FRAS1: variants seen among roughly 807,000 people sequenced by gnomAD.
FRAS1 encodes Fraser extracellular matrix complex subunit 1, also known as extracellular matrix organizing protein FRAS1.
A neutral mutation model predicts 435.2 loss-of-function variants in FRAS1; 290 were observed. That is an observed-to-expected ratio of 0.67 (90% CI 0.61 to 0.73). The LOEUF is 0.73. Among genes scored for constraint, FRAS1 ranks in the 30% least tolerant of loss-of-function variants. The pLI is 0.00. For missense variants in FRAS1, 4,860 were observed against 5,001.5 expected (o/e 0.97, Z 0.85); for synonymous variants, 1,800 against 1,851.0 (o/e 0.97, Z 0.71).
At chr4:78,439,133 A>G in intron 40 of FRAS1, 69 bp downstream of exon 40, 1 of 1,359,466 alleles carries the variant, frequency 7.4e-7, no homozygotes, top group Non-Finnish European at 1.0e-6. Flanking sequence ...ATGTAAATGA[A>G]GGATTTCTGC....
chr4:78,248,878 A>T (rs1725379301), intron 4 of FRAS1, among the ~76,000 whole-genome samples: 1 of 151,376 alleles, frequency 6.6e-6, no homozygotes, highest in South Asian at 2.1e-4. Context: ...CAGTGTCAAG[A>T]TGTCATGTTT....
chr4:78,370,798 C>T (rs1731473391), intron 23 of FRAS1, among the ~76,000 whole-genome samples: 1 of 152,150 alleles, frequency 6.6e-6, no homozygotes, highest in African/African-American at 2.4e-5. Flanking sequence ...ATTCTCGGGG[C>T]TTACACACTT....
intron 9 of FRAS1, among the ~76,000 whole-genome samples, chr4:78,270,373 A>G (rs1726599000): frequency 6.6e-6 from 1 of 152,140 alleles, no homozygotes; most frequent in Admixed American, 6.5e-5. Context: ...GATTGGACTA[A>G]CTAACCTGCT....
intron 2 of FRAS1, among the ~76,000 whole-genome samples, chr4:78,147,483 A>G (rs191646752): frequency 2.6e-5 from 4 of 152,228 alleles, no homozygotes; most frequent in Admixed American, 2.6e-4. Context: ...TCTATAAAAT[A>G]GGTATAATTA....
intron 35 of FRAS1, among the ~76,000 whole-genome samples, chr4:78,427,248 G>T (rs187068922): frequency 6.6e-6 from 1 of 152,042 alleles, no homozygotes; most frequent in African/African-American, 2.4e-5. Flanking sequence ...CAGCCCCCTC[G>T]CCACGTGACT....
intron 20 of FRAS1, among the ~76,000 whole-genome samples, chr4:78,356,221 G>A (rs184534614): frequency 9.5e-4 from 144 of 152,204 alleles, no homozygotes; most frequent in Non-Finnish European, 1.4e-3. Flanking sequence ...ACATGCAGCC[G>A]AGTAGCACCC....
At chr4:78,440,952 T>C (rs1319360739) in intron 40 of FRAS1, among the ~76,000 whole-genome samples, 1 of 152,168 alleles carries the variant, frequency 6.6e-6, no homozygotes, top group Non-Finnish European at 1.5e-5. Context: ...ACAGAAGTCA[T>C]CATGTCTGAC....
chr4:78,129,514 A>G (rs1719572692), intron 2 of FRAS1, among the ~76,000 whole-genome samples: 1 of 137,894 alleles, frequency 7.3e-6, no homozygotes, highest in South Asian at 2.4e-4. Context: ...ATTGAATTAG[A>G]GAACTAAGAC....
chr4:78,367,670 A>T (rs149995526), intron 22 of FRAS1, among the ~76,000 whole-genome samples: 2 of 152,194 alleles, frequency 1.3e-5, no homozygotes, highest in African/African-American at 4.8e-5. Flanking sequence ...CTGCTATCTA[A>T]GCAGGTCTTC....
chr4:78,124,238 C>T (rs1255444258), intron 2 of FRAS1, among the ~76,000 whole-genome samples: 1 of 152,048 alleles, frequency 6.6e-6, no homozygotes, highest in South Asian at 2.1e-4. Flanking sequence ...AATCATGTGG[C>T]TTTTGTCATT....
rs951049671 is a variant in FRAS1 at position 78,317,518 on chromosome 4, G to A, written c.1960+10G>A. The A allele has an allele frequency of 1.1e-5, 18 of 1,606,908 alleles. No homozygotes were observed. Among genetic ancestry groups the A allele is most frequent in the African/African-American group, 1.3e-5 (1 of 74,706 alleles). On this transcript the variant is annotated intron_variant, in intron 17 of 73. Coordinates refer to ENST00000512123, the MANE Select transcript of FRAS1 (RefSeq NM_025074.7). ...CATGGAGTCTGCAAAGGTATCGTTG[G>A]TGTCACCATCATTCTTGAGAGGCTA...
intron 25 of FRAS1, among the ~76,000 whole-genome samples, chr4:78,375,317 C>T (rs1190512476): frequency 1.3e-5 from 2 of 152,180 alleles, no homozygotes; most frequent in African/African-American, 4.8e-5. Context: ...ATCCTCCCAA[C>T]AATTATTTGC....
intron 65 of FRAS1, among the ~76,000 whole-genome samples, chr4:78,514,698 T>C (rs1199828911): frequency 6.6e-6 from 1 of 152,116 alleles, no homozygotes; most frequent in Admixed American, 6.6e-5. Flanking sequence ...GGCAGAGGGC[T>C]AGGTGCTGGG....
chr4:78,373,980 C>T, intron 24 of FRAS1, 131 bp from the exon 25 acceptor site: 1 of 750,420 alleles, frequency 1.3e-6, no homozygotes, highest in Non-Finnish European at 2.0e-6. Flanking sequence ...GACTCCTTGA[C>T]TCTTCATATG....
chr4:78,131,269 T>G (rs986103643), intron 2 of FRAS1, among the ~76,000 whole-genome samples: 7 of 152,192 alleles, frequency 4.6e-5, no homozygotes, highest in African/African-American at 7.2e-5. Flanking sequence ...AAGTTTAAAT[T>G]TATAGGAAAC....
At chr4:78,410,835 A>G (rs534329105) in intron 31 of FRAS1, among the ~76,000 whole-genome samples, 5 of 152,334 alleles carry the variant, frequency 3.3e-5, no homozygotes, top group Middle Eastern at 3.4e-3. Flanking sequence ...TGCAAATATG[A>G]AACAACTCTC....
chr4:78,306,779 A>G (rs1395651959), intron 14 of FRAS1, among the ~76,000 whole-genome samples: 1 of 151,656 alleles, frequency 6.6e-6, no homozygotes, highest in Admixed American at 6.6e-5. Flanking sequence ...TTTTTTTTTC[A>G]AAGTTTTCAA....
chr4:78,240,182 A>T (rs1330276631), intron 3 of FRAS1, among the ~76,000 whole-genome samples: 1 of 152,182 alleles, frequency 6.6e-6, no homozygotes, highest in East Asian at 1.9e-4. Context: ...AGGTTATGGA[A>T]TACTAACAAA....
chr4:78,488,435 G>A (rs550435789), intron 58 of FRAS1, among the ~76,000 whole-genome samples: 5 of 152,254 alleles, frequency 3.3e-5, no homozygotes, highest in African/African-American at 1.2e-4. Flanking sequence ...AGACCAATGT[G>A]AGTGGCCATT....
Sources: gnomAD v4.1 joint callset for allele counts (sites outside exome capture counted in the v4.1 genomes callset) on GRCh38, gnomAD v4.1.1 for gene constraint, MANE v1.5 for transcripts, NCBI Gene and HGNC (gene_info 2026-07-23, HGNC 2026-07-21) for gene names.